The following NKAIN2 variants were observed in gnomAD, a reference collection of about 807,000 sequenced individuals.
NKAIN2 encodes sodium/potassium-transporting ATPase subunit beta-1-interacting protein 2.
Under a neutral mutation model 32.6 loss-of-function variants are expected in NKAIN2, and 14 were observed. The observed-to-expected ratio is 0.43, with a 90% CI of 0.28 to 0.67. NKAIN2 has a LOEUF of 0.67. Among genes scored for constraint, NKAIN2 ranks in the 30% least tolerant of loss-of-function variants. The probability of loss-of-function intolerance (pLI) is 0.17; values close to 1 mark genes in which losing one functional copy is unlikely to be tolerated. For missense variants in NKAIN2, 198 were observed against 258.3 expected (o/e 0.77, Z 1.60); for synonymous variants, 80 against 87.2 (o/e 0.92, Z 0.46).
In NKAIN2 at chr6:124,331,345, C is replaced by CAAAAA. The variant is rs1162529828; in HGVS notation, c.193-23892_193-23888dup. On this transcript the variant is annotated intron_variant, in intron 2 of 6. Transcript: ENST00000368417. ...TGAAACCCTGTCTCTACTAAATATA[C>CAAAAA]AAAAAAAAAAAAAAAAAAAAAAAAA... Among the ~76,000 whole-genome samples, 84 of 20,820 alleles carry CAAAAA rather than the reference C, an allele frequency of 4.0e-3. 7 individuals carry two copies. The highest frequency in any genetic ancestry group is 7.0e-3 in the African/African-American group (40 of 5,678). 13.7% of individuals were successfully genotyped at this position (20,820 alleles called of 152,430 possible). A position where few individuals can be genotyped will look rare whatever the true frequency, so the allele number is the denominator to read the frequency against.
intron 4 of NKAIN2, among the ~76,000 whole-genome samples, chr6:124,755,254 A>G (rs1346764340): frequency 6.6e-6 from 1 of 152,124 alleles, no homozygotes; most frequent in African/African-American, 2.4e-5. Context: ...AATATGGGAG[A>G]AAGATGAAAG....
chr6:123,911,282 G>A (rs980778685), intron 1 of NKAIN2, among the ~76,000 whole-genome samples: 1 of 152,142 alleles, frequency 6.6e-6, no homozygotes, highest in Non-Finnish European at 1.5e-5. Flanking sequence ...TGCTTCTGCA[G>A]GCTGTACAAG....
intron 3 of NKAIN2, among the ~76,000 whole-genome samples, chr6:124,559,247 T>C (rs1412197129): frequency 6.6e-6 from 1 of 152,106 alleles, no homozygotes; most frequent in South Asian, 2.1e-4. Flanking sequence ...ATGGATAATA[T>C]ATAAAATCCT....
intron 3 of NKAIN2, among the ~76,000 whole-genome samples, chr6:124,362,581 A>G (rs1216131332): frequency 1.3e-5 from 2 of 152,124 alleles, no homozygotes; most frequent in Non-Finnish European, 2.9e-5. Flanking sequence ...GACATAAACT[A>G]TCATCTTTAC....
chr6:124,424,690 T>A (rs920417810), intron 3 of NKAIN2, among the ~76,000 whole-genome samples: 1 of 150,030 alleles, frequency 6.7e-6, no homozygotes, highest in Non-Finnish European at 1.5e-5. Context: ...TTTGTCTGAC[T>A]TATTTTACTT....
intron 4 of NKAIN2, among the ~76,000 whole-genome samples, chr6:124,763,231 G>A (rs1258579431): frequency 1.3e-5 from 2 of 152,172 alleles, no homozygotes; most frequent in Non-Finnish European, 1.5e-5. Context: ...ACAACATGGT[G>A]ACTATATGTA....
intron 3 of NKAIN2, among the ~76,000 whole-genome samples, chr6:124,368,041 A>T (rs1799599926): frequency 1.3e-5 from 2 of 152,078 alleles, no homozygotes; most frequent in Admixed American, 1.3e-4. Flanking sequence ...TTAATTCCCA[A>T]GTTACATTAT....
chr6:124,818,303 A>C, intron 5 of NKAIN2, 84 bp from the exon 6 acceptor site: 14 of 577,676 alleles, frequency 2.4e-5, no homozygotes, highest in Non-Finnish European at 4.4e-5. Context: ...TACTAATAAA[A>C]GGTTTATTAG....
At chr6:124,469,504 A>T (rs2114669031) in intron 3 of NKAIN2, among the ~76,000 whole-genome samples, 1 of 152,322 alleles carries the variant, frequency 6.6e-6, no homozygotes. Context: ...AGCCATTTTT[A>T]TTCAGTGTTA....
chr6:124,390,410 G>A (rs1773092008), intron 3 of NKAIN2, among the ~76,000 whole-genome samples: 1 of 152,050 alleles, frequency 6.6e-6, no homozygotes, highest in Non-Finnish European at 1.5e-5. Context: ...ACATTATTCT[G>A]TCTTAATAAC....
intron 6 of NKAIN2, among the ~76,000 whole-genome samples, chr6:124,821,294 CAAAAA>C (rs11320821): frequency 2.3e-5 from 2 of 88,866 alleles, no homozygotes; most frequent in Admixed American, 1.1e-4. Context: ...GGCTCTGTCT[CAAAAA>C]AAAAAAAAAA....
chr6:123,989,765 A>G (rs970005720), intron 1 of NKAIN2, among the ~76,000 whole-genome samples: 2 of 152,194 alleles, frequency 1.3e-5, no homozygotes, highest in African/African-American at 4.8e-5. Context: ...TGTTGCAGAG[A>G]AATATGATCA....
chr6:124,486,045 C>A (rs1777636480), intron 3 of NKAIN2, among the ~76,000 whole-genome samples: 1 of 152,182 alleles, frequency 6.6e-6, no homozygotes, highest in South Asian at 2.1e-4. Flanking sequence ...TGCTGAGTTT[C>A]AATTTGCATT....
intron 3 of NKAIN2, among the ~76,000 whole-genome samples, chr6:124,415,046 A>C (rs1439673286): frequency 3.9e-5 from 6 of 152,148 alleles, no homozygotes; most frequent in Non-Finnish European, 5.9e-5. Flanking sequence ...TCTGTGAGCA[A>C]ATATTTGGGG....
At chr6:123,982,177 G>A (rs1322725980) in intron 1 of NKAIN2, among the ~76,000 whole-genome samples, 1 of 152,030 alleles carries the variant, frequency 6.6e-6, no homozygotes, top group African/African-American at 2.4e-5. Flanking sequence ...GAGATGAAAA[G>A]ATACATGCGA....
chr6:124,264,907 C>A (rs1794419906), intron 1 of NKAIN2, among the ~76,000 whole-genome samples: 1 of 152,020 alleles, frequency 6.6e-6, no homozygotes, highest in Non-Finnish European at 1.5e-5. Flanking sequence ...TGTTTAAAAT[C>A]TAGGTATAAG....
intron 1 of NKAIN2, among the ~76,000 whole-genome samples, chr6:124,059,776 A>G (rs1170546249): frequency 6.6e-6 from 1 of 152,088 alleles, no homozygotes; most frequent in Non-Finnish European, 1.5e-5. Flanking sequence ...TCTGCTCTAA[A>G]TGGACTCTCT....
intron 1 of NKAIN2, among the ~76,000 whole-genome samples, chr6:123,869,972 T>C (rs997109197): frequency 2.6e-5 from 4 of 152,194 alleles, no homozygotes; most frequent in African/African-American, 4.8e-5. Context: ...AAATATTTTA[T>C]CAAAACATGA....
chr6:123,971,007 A>G (rs1562284344), intron 1 of NKAIN2, among the ~76,000 whole-genome samples: 2 of 152,214 alleles, frequency 1.3e-5, no homozygotes, highest in African/African-American at 4.8e-5. Context: ...AAACATCAAA[A>G]TTGTTCATTT....
Sources: allele counts gnomAD v4.1 joint callset (sites outside exome capture counted in the v4.1 genomes callset), GRCh38; gene constraint gnomAD v4.1.1; transcripts MANE v1.5; gene names NCBI Gene and HGNC (gene_info 2026-07-23, HGNC 2026-07-21).